The following AFAP1 variants were observed in gnomAD, a reference collection of about 807,000 sequenced individuals.
AFAP1 encodes the protein actin filament associated protein 1, also known as actin filament-associated protein 1.
A neutral mutation model predicts 93.9 loss-of-function variants in AFAP1; 75 were observed. The observed-to-expected ratio is 0.80, with a 90% CI of 0.66 to 0.97. The LOEUF (loss-of-function observed/expected upper bound fraction) is 0.97. Among genes scored for constraint, AFAP1 ranks in the 50% least tolerant of loss-of-function variants. The pLI is 0.00. For missense variants in AFAP1, 1,201 were observed against 1,050.8 expected, an observed-to-expected ratio of 1.14 and a Z score of -1.98; for synonymous variants, 517 against 430.7, an observed-to-expected ratio of 1.20 and a Z score of -2.48.
chr4:7,820,356 C>A (rs997808131), intron 6 of AFAP1, among the ~76,000 whole-genome samples: 2 of 152,182 alleles, frequency 1.3e-5, no homozygotes, highest in Non-Finnish European at 2.9e-5. Flanking sequence ...TAGAAATAAA[C>A]TGGGAGCCAC....
At chr4:7,904,686 T>C (rs1195025977) in intron 1 of AFAP1, among the ~76,000 whole-genome samples, 2 of 140,804 alleles carry the variant, frequency 1.4e-5, no homozygotes, top group Non-Finnish European at 3.2e-5. Flanking sequence ...CTGCCACTAT[T>C]ACAAATGGTT....
chr4:7,917,330 AC>A (rs1344386577), intron 1 of AFAP1, among the ~76,000 whole-genome samples: 2 of 152,172 alleles, frequency 1.3e-5, no homozygotes, highest in African/African-American at 4.8e-5. Flanking sequence ...GTTTATCAGT[AC>A]TATTTTGTTT....
intron 16 of AFAP1, 27 bp from the exon 17 acceptor site, chr4:7,769,035 G>A: frequency 6.4e-7 from 1 of 1,565,504 alleles, no homozygotes; most frequent in African/African-American, 1.4e-5. Context: ...AACCCCATGT[G>A]ATGAGCGGTT....
rs1427142616 is a variant in AFAP1, at chr4:7,939,603, G to A, written c.-3+53C>T. On this transcript the variant is annotated intron_variant, in intron 1 of 17. Transcript: ENST00000420658. This position sits in a 1 kb window ranked among gnomAD's most constrained non-coding sequence, Gnocchi z 5.6. ...CCCCGCTCGGAGCTTCCACGCCCGGGGCAGAGACCCCCGCCGGGTCCGGAG... is the reference window on the plus strand; with the variant it reads ...CCCCGCTCGGAGCTTCCACGCCCGGAGCAGAGACCCCCGCCGGGTCCGGAG... 5.2e-5 allele frequency: 21 copies of A among 407,702 alleles called. No individual in the cohort carries two copies. The highest frequency in any genetic ancestry group is 9.2e-5 in the Non-Finnish European group (19 of 206,980). 25.3% of individuals were successfully genotyped at this position (407,702 alleles called of 1,614,324 possible).
rs1014045492 is a variant in AFAP1, at chr4:7,816,102, G to T, written c.823-3C>A. On this transcript the variant is annotated splice_polypyrimidine_tract_variant and splice_region_variant and intron_variant, in intron 7 of 17. Transcript: ENST00000420658. ...CTGGGTCTCTCTGAAGACAGTTTCT[G>T]TAAGGAGAAAAAGATTAAGTTATTC... The T allele has an allele frequency of 2.5e-6, 4 of 1,608,892 alleles. No homozygotes were observed. Among genetic ancestry groups the T allele is most frequent in the Non-Finnish European group, 3.4e-6 (4 of 1,177,798 alleles).
intron 1 of AFAP1, among the ~76,000 whole-genome samples, chr4:7,913,388 C>CA (rs763367846): frequency 0.039 from 2,420 of 61,572 alleles, 38 homozygotes; most frequent in Middle Eastern, 0.07. Context: ...ACCCTGTCTC[C>CA]AAAAAAAAAA....
At chr4:7,767,623 G>A (rs984701994) in intron 17 of AFAP1, among the ~76,000 whole-genome samples, 3 of 152,126 alleles carry the variant, frequency 2.0e-5, no homozygotes, top group Non-Finnish European at 4.4e-5. Context: ...TTCAGTACAC[G>A]GATCTGCTAT....
chr4:7,854,992 G>C lies in AFAP1; in HGVS notation c.334+474C>G, dbSNP rs369671682. Among the ~76,000 whole-genome samples, 4 of 152,282 alleles carry C rather than the reference G, an allele frequency of 2.6e-5. No homozygotes were observed. In the East Asian group the frequency reaches 5.8e-4, roughly 22 times the overall value. ...AGGCAAAAATCATCTAATAGAACCT[G>C]TACCCCCAAAAAAGAAAAAACCAAA... On this transcript the variant is annotated intron_variant, in intron 4 of 17. Coordinates refer to ENST00000420658, the MANE Select transcript of AFAP1 (RefSeq NM_001134647.2).
In AFAP1 at chr4:7,838,611, C is replaced by A; in HGVS notation, c.639G>T (p.Lys213Asn). 1 of 1,614,152 alleles carries A rather than the reference C, an allele frequency of 6.2e-7. No homozygotes were observed. The highest frequency in any genetic ancestry group is 1.1e-5 in the South Asian group (1 of 91,074). Reference protein sequence around the residue: ...ITYIPKDSKKKKHELKITQQG... With the variant: ...ITYIPKDSKKNKHELKITQQG... The stretch of plus-strand genomic sequence containing the variant: ...GCTGAGTAATCTTCAGCTCGTGCTT[C>A]TTCTTTTTGCTGTCTTTCGGGATGT... Residue 213 changes from lysine (K) to asparagine (N), a missense_variant, in exon 6 of 18, where the codon AAG becomes AAT. Coordinates refer to ENST00000420658, the MANE Select transcript of AFAP1 (RefSeq NM_001134647.2).
chr4:7,806,194 C>T (rs1467676851), intron 9 of AFAP1, among the ~76,000 whole-genome samples: 3 of 152,216 alleles, frequency 2.0e-5, no homozygotes, highest in African/African-American at 7.2e-5. Flanking sequence ...ATGCTAAATG[C>T]GTCAGTCAAC....
intron 16 of AFAP1, among the ~76,000 whole-genome samples, chr4:7,771,340 A>G (rs1185126472): frequency 1.3e-5 from 2 of 152,194 alleles, no homozygotes; most frequent in African/African-American, 2.4e-5. Flanking sequence ...GCATATGCAT[A>G]TGTGTGTATG....
chr4:7,819,572 T>G (rs1720784609), intron 6 of AFAP1, among the ~76,000 whole-genome samples: 1 of 152,162 alleles, frequency 6.6e-6, no homozygotes, highest in South Asian at 2.1e-4. Flanking sequence ...TATGCAATGA[T>G]GCTGAAGGGT....
chr4:7,817,322 G>A (rs2149066773), intron 7 of AFAP1, among the ~76,000 whole-genome samples: 1 of 152,292 alleles, frequency 6.6e-6, no homozygotes, highest in South Asian at 2.1e-4. Context: ...GACAAAACAG[G>A]ACAGGTACGG....
intron 8 of AFAP1, among the ~76,000 whole-genome samples, chr4:7,812,552 G>A (rs149821047): frequency 1.3e-5 from 2 of 152,024 alleles, no homozygotes; most frequent in East Asian, 3.9e-4. Flanking sequence ...CAAACAAAAG[G>A]CAGAGATGAG....
chr4:7,789,502 C>T (rs980725227), intron 11 of AFAP1, among the ~76,000 whole-genome samples: 14 of 140,954 alleles, frequency 9.9e-5, no homozygotes, highest in South Asian at 4.6e-4. Context: ...CCACCCCATC[C>T]GTGCATCTCC....
intron 14 of AFAP1, chr4:7,776,847 G>A (rs1354518238): frequency 6.6e-6 from 1 of 152,212 alleles, no homozygotes; most frequent in African/African-American, 2.4e-5. Flanking sequence ...AAACTAAGCT[G>A]TTTCCCCAAT....
At chr4:7,847,187 G>A (rs189271727) in intron 4 of AFAP1, among the ~76,000 whole-genome samples, 1 of 152,294 alleles carries the variant, frequency 6.6e-6, no homozygotes, top group Admixed American at 6.5e-5. Context: ...TGGAAAGTAT[G>A]CTTAGCCGTG....
chr4:7,900,366 GCGCA>G (rs59227914), intron 1 of AFAP1, among the ~76,000 whole-genome samples: 125,348 of 151,606 alleles, frequency 0.83, 52,188 homozygotes, highest in Non-Finnish European at 0.89. Context: ...ACATTTAGCT[GCGCA>G]TTTAGCACAG....
intron 6 of AFAP1, among the ~76,000 whole-genome samples, chr4:7,827,166 A>G (rs1408289075): frequency 6.6e-6 from 1 of 152,146 alleles, no homozygotes; most frequent in Non-Finnish European, 1.5e-5. Context: ...ACAGGTAAAT[A>G]GAAGCGTCCA....
Sources: gnomAD v4.1 joint callset for allele counts (sites outside exome capture counted in the v4.1 genomes callset) on GRCh38, gnomAD v4.1.1 for gene constraint, Gnocchi (gnomAD v3.1) non-coding constraint, MANE v1.5 for transcripts, NCBI Gene and HGNC (gene_info 2026-07-23, HGNC 2026-07-21) for gene names.